HMBOX1: variants seen among roughly 807,000 people sequenced by gnomAD.
HMBOX1 encodes the protein homeobox-containing protein 1.
A neutral mutation model predicts 54.5 loss-of-function variants in HMBOX1; 14 were observed. The ratio of observed to expected loss-of-function variants is 0.26; its 90% CI spans 0.17 to 0.40. HMBOX1 has a LOEUF of 0.40. Among genes scored for constraint, HMBOX1 ranks in the 10% least tolerant of loss-of-function variants. The pLI, the probability that HMBOX1 is intolerant of heterozygous loss-of-function variation, is 1.00. For missense variants in HMBOX1, 332 were observed against 514.4 expected (o/e 0.65, Z 3.43); for synonymous variants, 160 against 181.0 (o/e 0.88, Z 0.93).
At chr8:28,945,745 A>G (rs1017146325) in intron 1 of HMBOX1, among the ~76,000 whole-genome samples, 2 of 152,152 alleles carry the variant, frequency 1.3e-5, no homozygotes, top group Admixed American at 1.3e-4. Flanking sequence ...GACACAACAT[A>G]AAGTATAAAG....
intron 4 of HMBOX1, among the ~76,000 whole-genome samples, chr8:28,988,822 C>G (rs1830526974): frequency 6.6e-6 from 1 of 151,982 alleles, no homozygotes; most frequent in South Asian, 2.1e-4. Flanking sequence ...ATTCTGGGTA[C>G]AAGTCCTTAA....
chr8:28,972,948 C>T lies in HMBOX1; in HGVS notation c.500+2429C>T, dbSNP rs74602676. 5.8e-3 allele frequency among the ~76,000 whole-genome samples: 878 copies of T among 152,214 alleles called. 4 individuals carry two copies. The highest frequency in any genetic ancestry group is 0.02 in the African/African-American group (843 of 41,522). ...TCAGTATTTATGTACTACCACTTGT[C>T]GCATAATCAGGACACTTTATCTTTT... On this transcript the variant is annotated intron_variant, in intron 3 of 9. Coordinates refer to ENST00000287701, the MANE Select transcript of HMBOX1 (RefSeq NM_001135726.3).
chr8:28,967,867 G>A lies in HMBOX1; in HGVS notation c.24-2176G>A, dbSNP rs543917950. ...AGAAATCAGACCCTAACATTTGTAG[G>A]TGTAGAGCAGATACTGTGGCCCATG... is the stretch of plus-strand genomic sequence containing the variant. On this transcript the variant is annotated intron_variant, in intron 2 of 9. Coordinates refer to ENST00000287701, the MANE Select transcript of HMBOX1 (RefSeq NM_001135726.3). 1.4e-4 allele frequency among the ~76,000 whole-genome samples: 21 copies of A among 152,298 alleles called. No homozygotes were observed. The East Asian group carries it at 3.5e-3, about 25-fold the overall frequency.
intron 4 of HMBOX1, among the ~76,000 whole-genome samples, chr8:29,003,372 C>T (rs1174187398): frequency 1.3e-5 from 2 of 150,812 alleles, no homozygotes; most frequent in African/African-American, 4.9e-5. Flanking sequence ...CTTGTAACCA[C>T]TAGAATGAAG....
chr8:28,908,867 G>A (rs1814861047), intron 1 of HMBOX1, among the ~76,000 whole-genome samples: 1 of 152,160 alleles, frequency 6.6e-6, no homozygotes, highest in African/African-American at 2.4e-5. Context: ...GCTGATGCAG[G>A]AGGATTGCTT....
intron 1 of HMBOX1, among the ~76,000 whole-genome samples, chr8:28,893,844 C>T (rs1435840498): frequency 6.6e-6 from 1 of 152,198 alleles, no homozygotes; most frequent in African/African-American, 2.4e-5. Flanking sequence ...GTATTCAGCA[C>T]ATCCCACATT....
intron 1 of HMBOX1, among the ~76,000 whole-genome samples, chr8:28,945,376 A>C (rs1822239030): frequency 6.6e-6 from 1 of 152,240 alleles, no homozygotes; most frequent in South Asian, 2.1e-4. Context: ...GTCTTGCTTA[A>C]AATCTTATTC....
Position 29,004,855 on chromosome 8 carries a change from C to T in HMBOX1, c.587-4217C>T, listed in dbSNP as rs140184121. On this transcript the variant is annotated intron_variant, in intron 4 of 9. Transcript: ENST00000287701. ...GAGAGGCTGCCAGGGCTTATGAGACCGTGTTCAGCTGAAGGACCAAAGCAG... is the reference window on the plus strand; with the variant it reads ...GAGAGGCTGCCAGGGCTTATGAGACTGTGTTCAGCTGAAGGACCAAAGCAG... Among the ~76,000 whole-genome samples, 48 of 152,164 alleles carry T rather than the reference C, an allele frequency of 3.2e-4. 1 individual carries two copies. The East Asian group carries it at 9.1e-3, about 29-fold the overall frequency.
At chr8:28,895,968 AT>A (rs1302502305) in intron 1 of HMBOX1, among the ~76,000 whole-genome samples, 3 of 152,148 alleles carry the variant, frequency 2.0e-5, no homozygotes, top group African/African-American at 7.2e-5. Context: ...TGTGAATTTG[AT>A]TGTCAACCAT....
chr8:28,992,177 T>A (rs1831071619), intron 4 of HMBOX1, among the ~76,000 whole-genome samples: 2 of 152,192 alleles, frequency 1.3e-5, no homozygotes, highest in South Asian at 4.1e-4. Context: ...ATCCCTTACT[T>A]ATTATGTAAC....
chr8:28,927,722 C>T (rs1307376093), intron 1 of HMBOX1, among the ~76,000 whole-genome samples: 2 of 149,154 alleles, frequency 1.3e-5, no homozygotes, highest in African/African-American at 4.9e-5. Context: ...TATGTACCCA[C>T]TGGAACAACT....
chr8:29,051,602 T>C lies in HMBOX1; in HGVS notation c.*447T>C, dbSNP rs752926919. On this transcript the variant is annotated 3_prime_UTR_variant, in exon 10 of 10. Transcript: ENST00000287701. Reference sequence around the variant, plus strand: ...GTGGCACAGGAATGACAGACACCATTTGGGGAGTATCCACAGAGTCAAAGG... The same window carrying C: ...GTGGCACAGGAATGACAGACACCATCTGGGGAGTATCCACAGAGTCAAAGG... 7.1e-6 allele frequency: 5 copies of C among 702,800 alleles called. No homozygotes were observed. Among genetic ancestry groups the C allele is most frequent in the Non-Finnish European group, 1.3e-5 (5 of 384,984 alleles). 43.5% of individuals were successfully genotyped at this position (702,800 alleles called of 1,614,324 possible).
intron 1 of HMBOX1, among the ~76,000 whole-genome samples, chr8:28,905,043 T>C (rs542848288): frequency 6.6e-6 from 1 of 152,336 alleles, no homozygotes; most frequent in South Asian, 2.1e-4. Flanking sequence ...ACACCTTGTC[T>C]AAACAGTAAG....
intron 1 of HMBOX1, among the ~76,000 whole-genome samples, chr8:28,927,166 GCTT>G (rs200935146): frequency 0.024 from 3,670 of 152,210 alleles, 134 homozygotes; most frequent in African/African-American, 0.085. Context: ...AGGATAAAAT[GCTT>G]GAGGGGATGG....
chr8:28,901,607 C>T (rs944160374), intron 1 of HMBOX1, among the ~76,000 whole-genome samples: 6 of 152,224 alleles, frequency 3.9e-5, no homozygotes, highest in African/African-American at 1.4e-4. Flanking sequence ...CTTCCCTACT[C>T]TATTCCATGG....
At chr8:28,890,167 T>C (rs1167545391), upstream of HMBOX1, 4 of 475,544 alleles carry the variant, frequency 8.4e-6, no homozygotes, top group Non-Finnish European at 1.5e-5. Context: ...CCCAGCATGA[T>C]ATCATGTCTT....
intron 5 of HMBOX1, among the ~76,000 whole-genome samples, chr8:29,012,854 G>C (rs998943232): frequency 2.0e-5 from 3 of 152,142 alleles, no homozygotes; most frequent in African/African-American, 7.2e-5. Flanking sequence ...TGAGAAGCAG[G>C]TAGAAAATAA....
In HMBOX1 at chr8:28,913,738, G is replaced by A. The variant is rs575396331; in HGVS notation, c.-58+23060G>A. ...TCTGCTAAGTGAATAGAGATCCTTT[G>A]ATCTGTTTTATTTTTATTTATTTAT... On this transcript the variant is annotated intron_variant, in intron 1 of 9. Transcript: ENST00000287701. 1.4e-4 allele frequency among the ~76,000 whole-genome samples: 21 copies of A among 151,826 alleles called. 3 individuals are homozygous for A. In the South Asian group the frequency reaches 4.2e-3, roughly 30 times the overall value.
chr8:28,894,295 GTTTA>G (rs1044437607), intron 1 of HMBOX1, among the ~76,000 whole-genome samples: 10 of 152,056 alleles, frequency 6.6e-5, no homozygotes, highest in Admixed American at 2.6e-4. Context: ...ATACTTTTAT[GTTTA>G]TTTATTTATT....
Sources: gnomAD v4.1 joint callset for allele counts (sites outside exome capture counted in the v4.1 genomes callset) on GRCh38, gnomAD v4.1.1 for gene constraint, MANE v1.5 for transcripts, NCBI Gene and HGNC (gene_info 2026-07-23, HGNC 2026-07-21) for gene names.